The following ZPBP variants were observed in gnomAD, a reference collection of about 807,000 sequenced individuals.
ZPBP encodes the protein zona pellucida-binding protein 1.
Under a neutral mutation model 44.8 loss-of-function variants are expected in ZPBP, and 26 were observed. That is an observed-to-expected ratio of 0.58 (90% CI 0.43 to 0.81). The LOEUF (loss-of-function observed/expected upper bound fraction) is 0.81, where lower values mean the gene tolerates loss of function less well. Ranked by LOEUF, ZPBP falls within the 30% of genes least tolerant of loss-of-function variation. The pLI is 0.00. For missense variants in ZPBP, 409 were observed against 434.0 expected, an observed-to-expected ratio of 0.94 and a Z score of 0.51; for synonymous variants, 174 against 153.2, an observed-to-expected ratio of 1.14 and a Z score of -1.00.
chr7:49,987,840 A>G (rs1562826475), intron 6 of ZPBP, among the ~76,000 whole-genome samples: 1 of 152,086 alleles, frequency 6.6e-6, no homozygotes, highest in Non-Finnish European at 1.5e-5. Flanking sequence ...AATATTTTTT[A>G]AAAGGAAAAT....
chr7:49,864,326 G>A (rs775224056), intron 2 of ZPBP, among the ~76,000 whole-genome samples: 1 of 152,090 alleles, frequency 6.6e-6, no homozygotes, highest in Admixed American at 6.6e-5. Flanking sequence ...TCTGTGCTTG[G>A]ACCTTCCTTC....
chr7:50,041,416 T>A (rs1273550191), intron 4 of ZPBP, among the ~76,000 whole-genome samples: 1 of 152,186 alleles, frequency 6.6e-6, no homozygotes, highest in Admixed American at 6.5e-5. Flanking sequence ...GAGCTCCGGC[T>A]GGCATCTGGC....
At chr7:50,075,936 C>T (rs546826089) in intron 3 of ZPBP, among the ~76,000 whole-genome samples, 84 of 151,916 alleles carry the variant, frequency 5.5e-4, no homozygotes, top group Non-Finnish European at 9.3e-4. Context: ...CAAAACCAGA[C>T]AAAAACACAT....
chr7:49,862,750 T>A (rs1295466317), intron 2 of ZPBP, among the ~76,000 whole-genome samples: 1 of 152,102 alleles, frequency 6.6e-6, no homozygotes, highest in Non-Finnish European at 1.5e-5. Context: ...TTCTTCATTC[T>A]GTTAATGTGT....
intron 2 of ZPBP, among the ~76,000 whole-genome samples, chr7:49,900,120 A>C (rs1046092471): frequency 6.6e-6 from 1 of 151,822 alleles, no homozygotes; most frequent in African/African-American, 2.4e-5. Flanking sequence ...TTTAAACTAA[A>C]TAAAAATTTA....
intron 4 of ZPBP, among the ~76,000 whole-genome samples, chr7:50,054,396 C>T (rs1215821826): frequency 1.3e-5 from 2 of 151,974 alleles, no homozygotes; most frequent in Non-Finnish European, 2.9e-5. Context: ...AAAAGACAAA[C>T]TATGCGAAAG....
chr7:50,065,180 T>A (rs929436114), intron 3 of ZPBP, among the ~76,000 whole-genome samples: 1 of 138,282 alleles, frequency 7.2e-6, no homozygotes, highest in Non-Finnish European at 1.6e-5. Context: ...AAACTGGATA[T>A]CTTAAGAGTT....
chr7:49,970,682 T>C (rs1796265194), intron 7 of ZPBP, among the ~76,000 whole-genome samples: 1 of 151,314 alleles, frequency 6.6e-6, no homozygotes, highest in Admixed American at 6.6e-5. Flanking sequence ...TATGTGGACA[T>C]TAAACAATAC....
At chr7:50,016,686 C>T (rs1798836559) in intron 6 of ZPBP, among the ~76,000 whole-genome samples, 1 of 152,084 alleles carries the variant, frequency 6.6e-6, no homozygotes, top group Non-Finnish European at 1.5e-5. Flanking sequence ...ACATTCCAAC[C>T]CCATTTCCAA....
At chr7:50,087,928 C>A (rs1245797689) in intron 2 of ZPBP, among the ~76,000 whole-genome samples, 2 of 151,940 alleles carry the variant, frequency 1.3e-5, no homozygotes, top group African/African-American at 4.8e-5. Context: ...AATTGACAAG[C>A]TGATTCTAGA....
intron 2 of ZPBP, among the ~76,000 whole-genome samples, chr7:49,888,150 C>A (rs1791977491): frequency 6.6e-6 from 1 of 152,202 alleles, no homozygotes; most frequent in Non-Finnish European, 1.5e-5. Context: ...TGGAAGTAGT[C>A]AATGGCAATT....
At chr7:49,896,108 A>G (rs987332953) in intron 2 of ZPBP, among the ~76,000 whole-genome samples, 19 of 152,198 alleles carry the variant, frequency 1.2e-4, no homozygotes, top group Non-Finnish European at 5.9e-5. Context: ...TGGGAGGCCA[A>G]AGTGGGTGGA....
intron 2 of ZPBP, among the ~76,000 whole-genome samples, chr7:49,854,339 C>CT (rs1426220248): frequency 6.6e-6 from 1 of 151,936 alleles, no homozygotes; most frequent in Non-Finnish European, 1.5e-5. Flanking sequence ...ACAATGTAAA[C>CT]GTGTTCCTAT....
chr7:49,973,456 A>C (rs1583947693), intron 7 of ZPBP, among the ~76,000 whole-genome samples: 6 of 152,164 alleles, frequency 3.9e-5, no homozygotes, highest in Middle Eastern at 3.4e-3. Flanking sequence ...ATAAGCTATT[A>C]ATGTCTAGAA....
chr7:50,081,684 A>T, intron 3 of ZPBP, 90 bp downstream of exon 3: 1 of 1,469,440 alleles, frequency 6.8e-7, no homozygotes, highest in East Asian at 2.3e-5. Flanking sequence ...AGGAAATAAC[A>T]TAAATATGTA....
chr7:49,956,843 T>C (rs1014356250), intron 7 of ZPBP, among the ~76,000 whole-genome samples: 6 of 152,222 alleles, frequency 3.9e-5, no homozygotes, highest in African/African-American at 1.4e-4. Context: ...AAATTAGCTT[T>C]GTGAGAGAAG....
chr7:49,854,291 C>G (rs1304883861), intron 2 of ZPBP, among the ~76,000 whole-genome samples: 1 of 152,178 alleles, frequency 6.6e-6, no homozygotes, highest in Non-Finnish European at 1.5e-5. Context: ...AATTGCCACA[C>G]TCTTCCACAA....
intron 5 of ZPBP, among the ~76,000 whole-genome samples, chr7:50,023,736 T>G (rs1799199263): frequency 6.6e-6 from 1 of 152,038 alleles, no homozygotes; most frequent in South Asian, 2.1e-4. Flanking sequence ...AATAACATGC[T>G]AAGAGTTCTA....
intron 3 of ZPBP, among the ~76,000 whole-genome samples, chr7:50,075,655 G>A (rs1802041556): frequency 6.6e-6 from 1 of 151,918 alleles, no homozygotes; most frequent in Admixed American, 6.6e-5. Flanking sequence ...AAATCCAGAA[G>A]AAATGGACAA....
Sources: allele counts gnomAD v4.1 joint callset (sites outside exome capture counted in the v4.1 genomes callset), GRCh38; gene constraint gnomAD v4.1.1; transcripts MANE v1.5; gene names NCBI Gene and HGNC (gene_info 2026-07-23, HGNC 2026-07-21).